PACRG: variants seen among roughly 807,000 people sequenced by gnomAD.
PACRG encodes the protein parkin coregulated gene protein.
Under a neutral mutation model 29.7 loss-of-function variants are expected in PACRG, and 29 were observed. The observed-to-expected ratio is 0.98, with a 90% CI of 0.73 to 1.33. PACRG has a LOEUF of 1.33. Ranked by LOEUF, PACRG falls within the 40% of genes most tolerant of loss-of-function variation. The pLI, the probability that PACRG is intolerant of heterozygous loss-of-function variation, is 0.00. For synonymous variants in PACRG, 116 were observed against 118.7 expected (o/e 0.98, Z 0.15); for missense variants, 279 against 316.2 (o/e 0.88, Z 0.89).
At chr6:163,266,935 C>G (rs1783549781) in intron 4 of PACRG, among the ~76,000 whole-genome samples, 2 of 152,196 alleles carry the variant, frequency 1.3e-5, no homozygotes, top group Non-Finnish European at 2.9e-5. Context: ...AGCCCCTCAT[C>G]AAATGGCTTA....
intron 4 of PACRG, among the ~76,000 whole-genome samples, chr6:163,217,853 G>A (rs1781424133): frequency 6.6e-6 from 1 of 151,962 alleles, no homozygotes; most frequent in Non-Finnish European, 1.5e-5. Flanking sequence ...TCTAGTTGCA[G>A]GAAGACAAGC....
chr6:162,741,896 A>C (rs891312911), intron 1 of PACRG, among the ~76,000 whole-genome samples: 3 of 152,224 alleles, frequency 2.0e-5, no homozygotes, highest in Non-Finnish European at 4.4e-5. Flanking sequence ...TTACATACTC[A>C]TAATTTTTTT....
intron 4 of PACRG, among the ~76,000 whole-genome samples, chr6:163,174,599 T>C (rs1048824223): frequency 6.6e-6 from 1 of 152,018 alleles, no homozygotes; most frequent in Non-Finnish European, 1.5e-5. Flanking sequence ...TAAGTAAGGG[T>C]CTCTATTTTA....
intron 2 of PACRG, chr6:163,042,507 A>G (rs979479362): frequency 2.0e-5 from 3 of 152,222 alleles, no homozygotes; most frequent in African/African-American, 4.8e-5. Flanking sequence ...TTCAAACTAC[A>G]TACTAAGAAG....
intron 2 of PACRG, among the ~76,000 whole-genome samples, chr6:162,947,320 TAATACATATA>T (rs1562765391): frequency 1.1e-3 from 60 of 53,646 alleles, no homozygotes; most frequent in African/African-American, 3.3e-3. Flanking sequence ...TAATCATATA[TAATACATATA>T]ATCATATATA....
intron 4 of PACRG, among the ~76,000 whole-genome samples, chr6:163,227,246 G>A (rs987852713): frequency 6.6e-6 from 1 of 152,120 alleles, no homozygotes; most frequent in African/African-American, 2.4e-5. Context: ...GTAGGAGCAC[G>A]CACATCACAA....
rs144929232 is a variant in PACRG, at chr6:163,096,858, A to G, written c.613+7450A>G. On this transcript the variant is annotated intron_variant, in intron 4 of 4. Coordinates refer to ENST00000366888, the MANE Select transcript of PACRG (RefSeq NM_001080379.2). ...TTTTTAAGTTAATATCATAATTAAC[A>G]TCTAAGATGATTACATATGAAATAA... Among the ~76,000 whole-genome samples the G allele has an allele frequency of 9.8e-5, 15 of 152,374 alleles. No individual in the cohort carries two copies. The East Asian group carries it at 2.9e-3, about 29-fold the overall frequency.
At chr6:162,965,467 C>T (rs961033955) in intron 2 of PACRG, among the ~76,000 whole-genome samples, 4 of 152,162 alleles carry the variant, frequency 2.6e-5, no homozygotes, top group African/African-American at 9.7e-5. Context: ...AAGATGGTGC[C>T]TTCTATCTGT....
At chr6:163,076,232 A>G (rs1418087706) in intron 3 of PACRG, among the ~76,000 whole-genome samples, 2 of 152,106 alleles carry the variant, frequency 1.3e-5, no homozygotes, top group Non-Finnish European at 2.9e-5. Context: ...TTTCATTTTC[A>G]GTTTTTTCAT....
chr6:163,305,004 G>A (rs1785143955), intron 4 of PACRG, among the ~76,000 whole-genome samples: 1 of 151,938 alleles, frequency 6.6e-6, no homozygotes, highest in Non-Finnish European at 1.5e-5. Context: ...GGAGGAACTG[G>A]AGTGGGAGGC....
intron 2 of PACRG, among the ~76,000 whole-genome samples, chr6:162,871,821 G>C (rs1329669128): frequency 6.6e-6 from 1 of 152,024 alleles, no homozygotes; most frequent in Admixed American, 6.6e-5. Flanking sequence ...GGGAGGCTGA[G>C]GCAGGAGAAT....
At chr6:162,862,144 G>C (rs758657375) in intron 2 of PACRG, among the ~76,000 whole-genome samples, 2 of 152,170 alleles carry the variant, frequency 1.3e-5, no homozygotes, top group African/African-American at 2.4e-5. Flanking sequence ...GGACTGAGGA[G>C]GTGACTCAAA....
chr6:163,148,655 A>C (rs530202277), intron 4 of PACRG, among the ~76,000 whole-genome samples: 1 of 152,218 alleles, frequency 6.6e-6, no homozygotes, highest in Non-Finnish European at 1.5e-5. Flanking sequence ...CCAGTGACAC[A>C]GCTTTTCTCT....
intron 2 of PACRG, among the ~76,000 whole-genome samples, chr6:162,990,462 T>C (rs1225148210): frequency 6.8e-6 from 1 of 147,978 alleles, no homozygotes; most frequent in East Asian, 2.0e-4. Context: ...TCAGAGTGGT[T>C]TTGATTTGCA....
At chr6:162,819,298 A>C (rs549815189) in intron 2 of PACRG, among the ~76,000 whole-genome samples, 1 of 152,130 alleles carries the variant, frequency 6.6e-6, no homozygotes, top group Admixed American at 6.5e-5. Context: ...TAATATAGTA[A>C]TTTTACCTGT....
chr6:162,967,509 CTTTT>C (rs796970466), intron 2 of PACRG, among the ~76,000 whole-genome samples: 1 of 143,088 alleles, frequency 7.0e-6, no homozygotes, highest in Admixed American at 7.1e-5. Context: ...TGAACTTTCT[CTTTT>C]TTTTTTTTTT....
chr6:163,231,417 A>G (rs1192618203), intron 4 of PACRG, among the ~76,000 whole-genome samples: 1 of 152,216 alleles, frequency 6.6e-6, no homozygotes, highest in Non-Finnish European at 1.5e-5. Flanking sequence ...GACAGTCCCC[A>G]GATGGGCTTG....
intron 2 of PACRG, among the ~76,000 whole-genome samples, chr6:162,937,850 C>T (rs1349163568): frequency 6.6e-6 from 1 of 151,944 alleles, no homozygotes; most frequent in Non-Finnish European, 1.5e-5. Flanking sequence ...AACAACAATA[C>T]CACTCCCTTG....
At chr6:162,883,195 A>T (rs13212561) in intron 2 of PACRG, among the ~76,000 whole-genome samples, 105,722 of 152,010 alleles carry the variant, frequency 0.7, 38,086 homozygotes, top group African/African-American at 0.89. Flanking sequence ...AGATTTTTTT[A>T]AAAATGTGAT....
Sources: gnomAD v4.1 joint callset for allele counts (sites outside exome capture counted in the v4.1 genomes callset) on GRCh38, gnomAD v4.1.1 for gene constraint, MANE v1.5 for transcripts, NCBI Gene and HGNC (gene_info 2026-07-23, HGNC 2026-07-21) for gene names.